The following APAF1 variants were observed in gnomAD, a reference collection of about 807,000 sequenced individuals.
APAF1 encodes apoptotic peptidase activating factor 1, also known as apoptotic protease-activating factor 1.
Under a neutral mutation model 152.4 loss-of-function variants are expected in APAF1, and 91 were observed. The ratio of observed to expected loss-of-function variants is 0.60; its 90% CI spans 0.50 to 0.71. APAF1 has a LOEUF of 0.71. Ranked by LOEUF, APAF1 falls within the 30% of genes least tolerant of loss-of-function variation. The pLI is 0.00. For missense variants in APAF1, 1,283 were observed against 1,472.0 expected, an observed-to-expected ratio of 0.87 and a Z score of 2.10; for synonymous variants, 484 against 494.1, an observed-to-expected ratio of 0.98 and a Z score of 0.27.
At chr12:98,710,203 T>C (rs1192895439) in intron 20 of APAF1, among the ~76,000 whole-genome samples, 2 of 149,364 alleles carry the variant, frequency 1.3e-5, no homozygotes, top group Non-Finnish European at 3.0e-5. Context: ...TTTTTTGTAT[T>C]TTTAGTAGAG....
intron 4 of APAF1, among the ~76,000 whole-genome samples, chr12:98,651,199 C>T (rs951487393): frequency 4.6e-5 from 7 of 152,138 alleles, no homozygotes; most frequent in Admixed American, 1.3e-4. Context: ...CCTTAGTTCA[C>T]GGCTTATTAT....
intron 12 of APAF1, among the ~76,000 whole-genome samples, chr12:98,675,436 CTTATA>C (rs1186126309): frequency 1.3e-5 from 2 of 152,124 alleles, no homozygotes; most frequent in Non-Finnish European, 2.9e-5. Context: ...CACTCTAGTT[CTTATA>C]TTATACAGTC....
rs564446637 is a variant in APAF1, at chr12:98,723,932, A to G, written c.3330+168A>G. 2.0e-5 allele frequency among the ~76,000 whole-genome samples: 3 copies of G among 152,372 alleles called. No homozygotes were observed. In the South Asian group the frequency reaches 6.2e-4, roughly 32 times the overall value. On this transcript the variant is annotated intron_variant, in intron 24 of 26. Transcript: ENST00000551964. ...GCATTTAGTTGGTATCAAATGAATG[A>G]AATGAAATACATTGAGGACTTCTGA...
At chr12:98,699,079 C>G (rs1347960583) in intron 16 of APAF1, among the ~76,000 whole-genome samples, 1 of 152,166 alleles carries the variant, frequency 6.6e-6, no homozygotes, top group Non-Finnish European at 1.5e-5. Context: ...AGTGGCAAGT[C>G]GTGAGTCTCT....
At chr12:98,662,347 T>G (rs10745833) in intron 5 of APAF1, 109 bp from the exon 6 acceptor site, 7 of 795,790 alleles carry the variant, frequency 8.8e-6, no homozygotes, top group African/African-American at 1.7e-5. Flanking sequence ...CTATTTGTTT[T>G]AAAAAAAATT....
intron 21 of APAF1, among the ~76,000 whole-genome samples, chr12:98,714,333 C>T (rs1321172705): frequency 6.6e-6 from 1 of 152,140 alleles, no homozygotes; most frequent in Non-Finnish European, 1.5e-5. Context: ...GTGAAATTAC[C>T]AGCATTTACC....
At chr12:98,729,596 T>C (rs1004850673) in intron 26 of APAF1, among the ~76,000 whole-genome samples, 35 of 152,240 alleles carry the variant, frequency 2.3e-4, no homozygotes, top group Non-Finnish European at 8.8e-5. Context: ...TCCTCTATAT[T>C]GGGCTGATCA....
intron 26 of APAF1, among the ~76,000 whole-genome samples, chr12:98,732,147 C>T (rs928905713): frequency 6.6e-6 from 1 of 152,172 alleles, no homozygotes; most frequent in Admixed American, 6.5e-5. Flanking sequence ...CTATAGCTTC[C>T]TGTCTGCAGC....
chr12:98,732,459 T>A lies in APAF1; in HGVS notation c.3640T>A (p.Tyr1214Asn). 6.2e-7 allele frequency: 1 copy of A among 1,612,706 alleles called. No individual in the cohort carries two copies. The highest frequency in any genetic ancestry group is 2.2e-5 in the East Asian group (1 of 44,878). Reference protein sequence around the residue: ...VVTGESSQTFYTNGTNLKKIH... With the variant: ...VVTGESSQTFNTNGTNLKKIH... Reference sequence around the variant, plus strand: ...CACTGGGGAATCCTCACAGACCTTCTACACAAATGGAACCAATCTTAAGAA... The same window carrying A: ...CACTGGGGAATCCTCACAGACCTTCAACACAAATGGAACCAATCTTAAGAA... Residue 1214 changes from tyrosine to asparagine, a missense_variant, in exon 27 of 27, where the codon TAC becomes AAC. Tyr to Asn is a moderately radical substitution (Grantham distance 143). Coordinates refer to ENST00000551964, the MANE Select transcript of APAF1 (RefSeq NM_181861.2).
At chr12:98,674,252 A>G (rs2097684085) in intron 12 of APAF1, among the ~76,000 whole-genome samples, 1 of 152,250 alleles carries the variant, frequency 6.6e-6, no homozygotes, top group African/African-American at 2.4e-5. Flanking sequence ...TTGACTTCCC[A>G]AAGTTCTTGG....
At chr12:98,665,519 G>A (rs199965950) in intron 7 of APAF1, 34 bp from the exon 8 acceptor site, 1 of 1,377,866 alleles carries the variant, frequency 7.3e-7, no homozygotes, top group Admixed American at 1.7e-5. Context: ...AAATAGGATG[G>A]TATTAGCATA....
chr12:98,690,951 G>A (rs1247367124), intron 16 of APAF1, among the ~76,000 whole-genome samples: 1 of 152,160 alleles, frequency 6.6e-6, no homozygotes, highest in Non-Finnish European at 1.5e-5. Context: ...GCTCATGCCT[G>A]TAATCCCAGC....
At chr12:98,705,454 C>T (rs2097720407) in intron 18 of APAF1, among the ~76,000 whole-genome samples, 2 of 152,152 alleles carry the variant, frequency 1.3e-5, no homozygotes, top group South Asian at 2.1e-4. Flanking sequence ...AGAGATAAGG[C>T]GGAGAAAATT....
At chr12:98,689,855 T>G (rs1464782264) in intron 16 of APAF1, among the ~76,000 whole-genome samples, 1 of 152,224 alleles carries the variant, frequency 6.6e-6, no homozygotes, top group Non-Finnish European at 1.5e-5. Context: ...ACTGCTTGGT[T>G]TGTCTTCTGA....
At position 98,653,080 on chromosome 12, in the gene APAF1, A is replaced by AT. The variant is rs138084893; in HGVS notation, c.526+3398dup. ...TCCTGAGTTTTGTTCAAGTAGTCCT[A>AT]TTACAGTCTTATTATTCATATTTAG... On this transcript the variant is annotated intron_variant, in intron 4 of 26. Transcript: ENST00000551964. Among the ~76,000 whole-genome samples, 28 of 150,878 alleles carry AT rather than the reference A, an allele frequency of 1.9e-4. 1 individual carries two copies. In the East Asian group the frequency reaches 5.3e-3, roughly 28 times the overall value.
At chr12:98,720,531 A>G (rs1214245837) in intron 22 of APAF1, among the ~76,000 whole-genome samples, 2 of 152,204 alleles carry the variant, frequency 1.3e-5, no homozygotes, top group African/African-American at 4.8e-5. Flanking sequence ...GAATCAGCTC[A>G]CCTGATTATA....
chr12:98,701,483 A>G (rs1418863331), intron 17 of APAF1, among the ~76,000 whole-genome samples: 1 of 152,206 alleles, frequency 6.6e-6, no homozygotes, highest in Non-Finnish European at 1.5e-5. Context: ...AAGGGTTCCA[A>G]TTTCTCCACA....
chr12:98,672,281 C>A (rs1016435095), intron 12 of APAF1, among the ~76,000 whole-genome samples: 6 of 152,110 alleles, frequency 3.9e-5, no homozygotes, highest in Middle Eastern at 3.2e-3. Context: ...TCTCCTGCCT[C>A]AGCCTCCAAA....
intron 10 of APAF1, among the ~76,000 whole-genome samples, chr12:98,670,292 T>G (rs534557903): frequency 6.6e-6 from 1 of 152,268 alleles, no homozygotes; most frequent in Non-Finnish European, 1.5e-5. Flanking sequence ...TCTGATACTT[T>G]AAAAATGGTA....
Sources: allele counts gnomAD v4.1 joint callset (sites outside exome capture counted in the v4.1 genomes callset), GRCh38; gene constraint gnomAD v4.1.1; transcripts MANE v1.5; gene names NCBI Gene and HGNC (gene_info 2026-07-23, HGNC 2026-07-21).